TXLNB: variants seen among roughly 807,000 people sequenced by gnomAD.
The protein encoded by TXLNB is taxilin beta.
A neutral mutation model predicts 57.4 loss-of-function variants in TXLNB; 37 were observed. The observed-to-expected ratio is 0.64, with a 90% CI of 0.50 to 0.85. The LOEUF is 0.85. Among genes scored for constraint, TXLNB ranks in the 40% least tolerant of loss-of-function variants. TXLNB has a pLI of 0.00. For synonymous variants in TXLNB, 302 were observed against 309.6 expected, an observed-to-expected ratio of 0.98 and a Z score of 0.26; for missense variants, 848 against 825.6, an observed-to-expected ratio of 1.03 and a Z score of -0.33.
At chr6:139,180,530 G>T in the TXLNB span, 1 of 152,588 alleles carries the variant, frequency 6.6e-6, no homozygotes, top group Non-Finnish European at 1.5e-5. Context: ...GCCTAACCCA[G>T]TTCATCTCTA....
intron 8 of TXLNB, 65 bp downstream of exon 8, chr6:139,247,752 C>A: frequency 8.4e-7 from 1 of 1,197,396 alleles, no homozygotes; most frequent in South Asian, 1.4e-5. Context: ...AAAAAGGAAA[C>A]CAAAGGAAAT....
chr6:139,253,648 G>GT (rs1471748072), intron 7 of TXLNB, among the ~76,000 whole-genome samples: 9 of 152,002 alleles, frequency 5.9e-5, no homozygotes, highest in Non-Finnish European at 8.8e-5. Flanking sequence ...CTGGTTGATG[G>GT]TTTTTTAAGT....
chr6:139,221,210 G>A, the TXLNB span, among the ~76,000 whole-genome samples: 1 of 152,154 alleles, frequency 6.6e-6, no homozygotes, highest in South Asian at 2.1e-4. Context: ...CAGTTTCATG[G>A]GGCATCAGAA....
the TXLNB span, among the ~76,000 whole-genome samples, chr6:139,310,928 C>T: frequency 6.6e-6 from 1 of 152,212 alleles, no homozygotes; most frequent in African/African-American, 2.4e-5. Flanking sequence ...CTCCTGACCT[C>T]AGGTGATCCA....
chr6:139,312,746 A>C, the TXLNB span, among the ~76,000 whole-genome samples: 1 of 152,120 alleles, frequency 6.6e-6, no homozygotes, highest in Admixed American at 6.5e-5. Context: ...ACAGTATGTT[A>C]CCCTTTTGTA....
rs10550193 is a variant in TXLNB, at chr6:139,242,050, TATA to T, written c.*473_*475del. The T allele has an allele frequency of 0.39, 59,687 of 152,058 alleles. 15,018 individuals carry two copies. Among genetic ancestry groups the T allele is most frequent in the African/African-American group, 0.72 (29,877 of 41,290 alleles). 9.4% of individuals were successfully genotyped at this position (152,058 alleles called of 1,614,324 possible). A position where few individuals can be genotyped will look rare whatever the true frequency, so the allele number is the denominator to read the frequency against. On this transcript the variant is annotated 3_prime_UTR_variant, in exon 10 of 10. Transcript: ENST00000358430. Reference sequence around the variant, plus strand: ...ATCTATACATACGTGTATATATACATATAATAAGTACACACGTATGTATATATT... The same window carrying T: ...ATCTATACATACGTGTATATATACATATAAGTACACACGTATGTATATATT...
the TXLNB span, among the ~76,000 whole-genome samples, chr6:139,301,325 C>T: frequency 6.6e-6 from 1 of 151,978 alleles, no homozygotes; most frequent in African/African-American, 2.4e-5. Context: ...TATAGTGCCA[C>T]CAAATACAAA....
the TXLNB span, among the ~76,000 whole-genome samples, chr6:139,301,290 G>A: frequency 6.6e-6 from 1 of 152,104 alleles, no homozygotes. Context: ...AGGAAAAATT[G>A]CAGGGAAATT....
At chr6:139,317,234 G>C in the TXLNB span, among the ~76,000 whole-genome samples, 1 of 151,856 alleles carries the variant, frequency 6.6e-6, no homozygotes, top group East Asian at 1.9e-4. Context: ...GAAAAAAAAA[G>C]TCATCTCTAA....
At chr6:139,205,330 T>C in the TXLNB span, among the ~76,000 whole-genome samples, 2 of 152,194 alleles carry the variant, frequency 1.3e-5, no homozygotes, top group East Asian at 1.9e-4. Flanking sequence ...TTATACCATG[T>C]TGGCCAGGCT....
chr6:139,293,585 G>A (rs1016484820), upstream of TXLNB, among the ~76,000 whole-genome samples: 3 of 151,918 alleles, frequency 2.0e-5, no homozygotes, highest in Non-Finnish European at 2.9e-5. Context: ...TTGGATTTCC[G>A]ACCTCCAGAA....
the TXLNB span, among the ~76,000 whole-genome samples, chr6:139,167,490 T>G: frequency 1.3e-5 from 2 of 152,206 alleles, no homozygotes; most frequent in Admixed American, 1.3e-4. Flanking sequence ...GACGCGGTGA[T>G]TTTTTACTCT....
the TXLNB span, among the ~76,000 whole-genome samples, chr6:139,198,971 C>T: frequency 4.3e-3 from 627 of 144,482 alleles, 3 homozygotes; most frequent in African/African-American, 0.015. Context: ...TTCTTTCTTC[C>T]TTTTTTTTTT....
the TXLNB span, among the ~76,000 whole-genome samples, chr6:139,187,449 T>TA: frequency 1.3e-5 from 2 of 152,242 alleles, no homozygotes; most frequent in Non-Finnish European, 2.9e-5. Context: ...TCCCCATGTT[T>TA]AATTCAGTAT....
chr6:139,176,290 A>G, the TXLNB span, among the ~76,000 whole-genome samples: 1 of 152,190 alleles, frequency 6.6e-6, no homozygotes, highest in Admixed American at 6.5e-5. This position sits in a 1 kb window ranked among gnomAD's most constrained non-coding sequence, Gnocchi z 4.5. Flanking sequence ...ACCTCCCAGG[A>G]GTATTTTGAG....
At chr6:139,272,200 G>A (rs1444250438) in intron 3 of TXLNB, among the ~76,000 whole-genome samples, 2 of 152,164 alleles carry the variant, frequency 1.3e-5, no homozygotes, top group Non-Finnish European at 2.9e-5. Flanking sequence ...CCAGCTACTT[G>A]GGAGGCTGAG....
the TXLNB span, chr6:139,197,606 T>G: frequency 1.3e-5 from 2 of 152,340 alleles, no homozygotes; most frequent in African/African-American, 4.8e-5. Context: ...CTAGGAAAGT[T>G]ATACAGAGGA....
At chr6:139,306,276 G>C in the TXLNB span, among the ~76,000 whole-genome samples, 2 of 152,126 alleles carry the variant, frequency 1.3e-5, no homozygotes, top group Non-Finnish European at 2.9e-5. Context: ...TCCTATTTTT[G>C]AATGCTCCCT....
At chr6:139,167,075 C>G in the TXLNB span, 1 of 1,614,236 alleles carries the variant, frequency 6.2e-7, no homozygotes, top group Non-Finnish European at 8.5e-7. Flanking sequence ...ACTCCTCACT[C>G]ACATCCCCAG....
Sources: allele counts gnomAD v4.1 joint callset (sites outside exome capture counted in the v4.1 genomes callset), GRCh38; gene constraint gnomAD v4.1.1; non-coding constraint Gnocchi (gnomAD v3.1); transcripts MANE v1.5; gene names NCBI Gene and HGNC (gene_info 2026-07-23, HGNC 2026-07-21).